Variants in NR3C1 observed in about 807,000 individuals in gnomAD.
NR3C1 encodes the protein nuclear receptor subfamily 3 group C member 1, also known as glucocorticoid receptor.
Under a neutral mutation model 74.0 loss-of-function variants are expected in NR3C1, and 14 were observed. The observed-to-expected ratio is 0.19, with a 90% CI of 0.12 to 0.30. NR3C1 has a LOEUF of 0.30. NR3C1 is among the 10% of genes least tolerant of loss of function. The probability of loss-of-function intolerance (pLI) is 1.00; values close to 1 mark genes in which losing one functional copy is unlikely to be tolerated. For synonymous variants in NR3C1, 308 were observed against 332.5 expected, an observed-to-expected ratio of 0.93 and a Z score of 0.80; for missense variants, 695 against 909.8, an observed-to-expected ratio of 0.76 and a Z score of 3.04.
rs552130498 is a variant in NR3C1, at chr5:143,291,372, C to T, written c.2023+4088G>A. 7.9e-5 allele frequency among the ~76,000 whole-genome samples: 12 copies of T among 151,932 alleles called. No homozygotes were observed. The South Asian group carries it at 8.3e-4, about 11-fold the overall frequency. On this transcript the variant is annotated intron_variant, in intron 7 of 8. Coordinates refer to ENST00000394464, the MANE Select transcript of NR3C1 (RefSeq NM_000176.3). ...TCCTGAGTAGCTGGGACTACAGGCG[C>T]GCACCACCACCCCCAGCTAAGTTTT...
chr5:143,314,284 G>A, intron 2 of NR3C1, 116 bp from the exon 3 acceptor site: 1 of 1,032,170 alleles, frequency 9.7e-7, no homozygotes, highest in Non-Finnish European at 1.5e-6. Flanking sequence ...GGCTTCAAGT[G>A]CTAGCAGGCA....
At chr5:143,285,620 A>C (rs1178038006) in intron 7 of NR3C1, among the ~76,000 whole-genome samples, 1 of 152,184 alleles carries the variant, frequency 6.6e-6, no homozygotes, top group Non-Finnish European at 1.5e-5. Flanking sequence ...TATCTGGAGA[A>C]AAACCCAAAT....
intron 2 of NR3C1, among the ~76,000 whole-genome samples, chr5:143,359,275 T>A (rs1231671448): frequency 6.6e-6 from 1 of 152,210 alleles, no homozygotes; most frequent in African/African-American, 2.4e-5. Context: ...GTAACATATG[T>A]CTCACCAGTT....
intron 2 of NR3C1, among the ~76,000 whole-genome samples, chr5:143,332,312 GTT>G (rs1157019698): frequency 1.1e-4 from 12 of 111,484 alleles, no homozygotes; most frequent in Admixed American, 1.2e-4. Context: ...CACTTTGAGT[GTT>G]TTTTTTTTTT....
At chr5:143,331,128 G>C (rs1825855312) in intron 2 of NR3C1, among the ~76,000 whole-genome samples, 1 of 152,072 alleles carries the variant, frequency 6.6e-6, no homozygotes, top group Admixed American at 6.6e-5. Flanking sequence ...CAACAGAATA[G>C]AGCCCAGAAA....
intron 2 of NR3C1, among the ~76,000 whole-genome samples, chr5:143,315,582 G>T (rs1315979419): frequency 6.6e-6 from 1 of 152,038 alleles, no homozygotes; most frequent in Admixed American, 6.6e-5. Context: ...CGTTGTCTCT[G>T]TTATTCTTTA....
chr5:143,383,990 A>C (rs1397879389), intron 2 of NR3C1, among the ~76,000 whole-genome samples: 2 of 152,224 alleles, frequency 1.3e-5, no homozygotes, highest in Non-Finnish European at 2.9e-5. Flanking sequence ...ATAATTTATG[A>C]AGAACAGAGA....
intron 7 of NR3C1, among the ~76,000 whole-genome samples, chr5:143,286,753 A>T (rs947861621): frequency 6.6e-6 from 1 of 152,130 alleles, no homozygotes; most frequent in Non-Finnish European, 1.5e-5. Flanking sequence ...TAGTCTATCA[A>T]TCAACTTGAC....
intron 2 of NR3C1, among the ~76,000 whole-genome samples, chr5:143,351,153 C>T (rs542735771): frequency 1.3e-5 from 2 of 152,296 alleles, no homozygotes; most frequent in East Asian, 1.9e-4. Context: ...AGTCTCTCTT[C>T]GAGAACTGTC....
At chr5:143,423,115 T>G (rs72802811) in intron 1 of NR3C1, among the ~76,000 whole-genome samples, 27,087 of 152,056 alleles carry the variant, frequency 0.18, 2,593 homozygotes, top group Middle Eastern at 0.33. Context: ...AGTCAACCAG[T>G]GCAAAAGTGG....
At chr5:143,416,510 G>T (rs1430892120) in intron 1 of NR3C1, among the ~76,000 whole-genome samples, 1 of 151,550 alleles carries the variant, frequency 6.6e-6, no homozygotes, top group Non-Finnish European at 1.5e-5. Context: ...TATATAATAT[G>T]AATGTCTAGA....
chr5:143,402,499 A>G, intron 1 of NR3C1: 1 of 730,820 alleles, frequency 1.4e-6, no homozygotes, highest in Non-Finnish European at 1.7e-6. Flanking sequence ...CCACTTAGAA[A>G]CCTCAGGCGC....
At chr5:143,314,209 A>G (rs952487736) in intron 2 of NR3C1, 41 bp from the exon 3 acceptor site, 8 of 1,599,282 alleles carry the variant, frequency 5.0e-6, no homozygotes, top group Non-Finnish European at 6.8e-6. Context: ...TAACTGTCAA[A>G]GGAATATCAA....
chr5:143,326,185 C>T (rs1824563477), intron 2 of NR3C1, among the ~76,000 whole-genome samples: 1 of 152,246 alleles, frequency 6.6e-6, no homozygotes, highest in African/African-American at 2.4e-5. Context: ...ATTCCAAAAT[C>T]TATGCACCTC....
intron 2 of NR3C1, among the ~76,000 whole-genome samples, chr5:143,337,281 G>A (rs953410409): frequency 1.3e-5 from 2 of 151,948 alleles, no homozygotes; most frequent in African/African-American, 4.8e-5. Context: ...TAGTAATCAG[G>A]GAAATGCAAA....
At chr5:143,357,089 T>C (rs2151806158) in intron 2 of NR3C1, among the ~76,000 whole-genome samples, 1 of 152,360 alleles carries the variant, frequency 6.6e-6, no homozygotes, top group East Asian at 1.9e-4. Context: ...ACCTCTTCAG[T>C]GCTTGTATTT....
chr5:143,353,848 T>A (rs1376446365), intron 2 of NR3C1, among the ~76,000 whole-genome samples: 4 of 152,180 alleles, frequency 2.6e-5, no homozygotes, highest in African/African-American at 9.7e-5. Context: ...CATTAGCCCC[T>A]AACAAGAATG....
At chr5:143,424,125 A>G (rs966543199) in intron 1 of NR3C1, among the ~76,000 whole-genome samples, 24 of 151,906 alleles carry the variant, frequency 1.6e-4, no homozygotes, top group South Asian at 2.1e-4. Flanking sequence ...TGACGAGTTA[A>G]TGGGTGCAGC....
At chr5:143,341,336 C>T (rs368981169) in intron 2 of NR3C1, among the ~76,000 whole-genome samples, 4 of 152,150 alleles carry the variant, frequency 2.6e-5, no homozygotes, top group African/African-American at 4.8e-5. Context: ...AAAAAATTAA[C>T]GGTAAATGGC....
Sources: allele counts gnomAD v4.1 joint callset (sites outside exome capture counted in the v4.1 genomes callset), GRCh38; gene constraint gnomAD v4.1.1; transcripts MANE v1.5; gene names NCBI Gene and HGNC (gene_info 2026-07-23, HGNC 2026-07-21).